CAMK1D: variants seen among roughly 807,000 people sequenced by gnomAD.
CAMK1D encodes the protein calcium/calmodulin-dependent protein kinase type 1D.
In CAMK1D, 9 loss-of-function variants were observed where a neutral mutation model predicts 47.7. The ratio of observed to expected loss-of-function variants is 0.19; its 90% CI spans 0.11 to 0.33. CAMK1D has a LOEUF of 0.33. Among genes scored for constraint, CAMK1D ranks in the 10% least tolerant of loss-of-function variants. The probability of loss-of-function intolerance (pLI) is 1.00; values close to 1 mark genes in which losing one functional copy is unlikely to be tolerated. For synonymous variants in CAMK1D, 184 were observed against 184.9 expected (o/e 0.99, Z 0.04); for missense variants, 291 against 488.7 (o/e 0.60, Z 3.81).
chr10:12,756,502 A>G (rs1384492938), intron 3 of CAMK1D, among the ~76,000 whole-genome samples: 2 of 152,240 alleles, frequency 1.3e-5, no homozygotes, highest in Admixed American at 1.3e-4. Flanking sequence ...AAGAAATGGG[A>G]TCATGTAAAA....
intron 2 of CAMK1D, among the ~76,000 whole-genome samples, chr10:12,599,287 T>C (rs899536861): frequency 6.6e-6 from 1 of 151,956 alleles, no homozygotes; most frequent in Non-Finnish European, 1.5e-5. Context: ...ATTTTGAGAG[T>C]GGAAGGGAGA....
At chr10:12,783,975 A>G (rs185504581) in intron 5 of CAMK1D, among the ~76,000 whole-genome samples, 14 of 152,084 alleles carry the variant, frequency 9.2e-5, no homozygotes, top group Admixed American at 8.5e-4. Flanking sequence ...CTCCTTGGAC[A>G]CTCTGGTGAG....
chr10:12,593,574 G>T (rs1274341260), intron 2 of CAMK1D, among the ~76,000 whole-genome samples: 1 of 152,166 alleles, frequency 6.6e-6, no homozygotes, highest in Non-Finnish European at 1.5e-5. Flanking sequence ...TGGGCAACAA[G>T]AGCGAAACTC....
At chr10:12,457,610 A>G (rs2768373) in intron 1 of CAMK1D, among the ~76,000 whole-genome samples, 111,430 of 151,244 alleles carry the variant, frequency 0.74, 41,265 homozygotes, top group East Asian at 0.97. Context: ...GTGAAACCTT[A>G]TCTCTACTAA....
chr10:12,707,065 T>A (rs1207438549), intron 3 of CAMK1D, among the ~76,000 whole-genome samples: 1 of 152,140 alleles, frequency 6.6e-6, no homozygotes, highest in Non-Finnish European at 1.5e-5. Flanking sequence ...ATAAAAGAGT[T>A]TTCCAGCTGG....
chr10:12,378,271 G>A (rs1838240203), intron 1 of CAMK1D, among the ~76,000 whole-genome samples: 1 of 152,138 alleles, frequency 6.6e-6, no homozygotes, highest in African/African-American at 2.4e-5. Flanking sequence ...TTTAGATACA[G>A]CGTCTCACTC....
chr10:12,756,076 C>G (rs530775360), intron 3 of CAMK1D, among the ~76,000 whole-genome samples: 1 of 152,260 alleles, frequency 6.6e-6, no homozygotes, highest in South Asian at 2.1e-4. Flanking sequence ...AGCATCATGG[C>G]TGGTATTTCT....
chr10:12,530,628 AG>A, intron 1 of CAMK1D, among the ~76,000 whole-genome samples: 1 of 152,208 alleles, frequency 6.6e-6, no homozygotes, highest in Non-Finnish European at 1.5e-5. Flanking sequence ...GATTCCAGGA[AG>A]GTCTTCCCGT....
At chr10:12,662,253 C>G (rs1840294477) in intron 2 of CAMK1D, among the ~76,000 whole-genome samples, 2 of 152,196 alleles carry the variant, frequency 1.3e-5, no homozygotes, top group Admixed American at 6.5e-5. Context: ...AATCAACATT[C>G]AGAACACTGC....
chr10:12,727,360 C>T (rs1231760320), intron 3 of CAMK1D, among the ~76,000 whole-genome samples: 3 of 152,192 alleles, frequency 2.0e-5, no homozygotes, highest in Non-Finnish European at 2.9e-5. Context: ...CTGGTCTGTG[C>T]TTATGTAACG....
chr10:12,590,239 A>T (rs1326594629), intron 2 of CAMK1D, among the ~76,000 whole-genome samples: 1 of 151,696 alleles, frequency 6.6e-6, no homozygotes, highest in African/African-American at 2.4e-5. Context: ...ATTTTTAGAG[A>T]TAGCATCTCA....
rs545649423 is a variant in CAMK1D at position 12,515,024 on chromosome 10, T to C, written c.93-38201T>C. Among the ~76,000 whole-genome samples, 3 of 151,108 alleles carry C rather than the reference T, an allele frequency of 2.0e-5. No individual in the cohort carries two copies. In the South Asian group the frequency reaches 6.3e-4, roughly 32 times the overall value. ...CACCACCACACCTGGCTAATTTTTT[T>C]TTTTTATTTTTTATTTTTAGTAGAG... On this transcript the variant is annotated intron_variant, in intron 1 of 10. Coordinates refer to ENST00000619168, the MANE Select transcript of CAMK1D (RefSeq NM_153498.4).
At chr10:12,612,759 T>A (rs1336659022) in intron 2 of CAMK1D, among the ~76,000 whole-genome samples, 1 of 152,172 alleles carries the variant, frequency 6.6e-6, no homozygotes, top group Non-Finnish European at 1.5e-5. Flanking sequence ...GCTGGAACCA[T>A]ATGTTTTTCA....
intron 1 of CAMK1D, among the ~76,000 whole-genome samples, chr10:12,495,024 G>T (rs574967226): frequency 6.6e-6 from 1 of 152,238 alleles, no homozygotes; most frequent in East Asian, 1.9e-4. Flanking sequence ...TCTTCTCATG[G>T]AAAACCTTCT....
At chr10:12,616,344 C>T (rs1239867664) in intron 2 of CAMK1D, among the ~76,000 whole-genome samples, 1 of 152,138 alleles carries the variant, frequency 6.6e-6, no homozygotes, top group Non-Finnish European at 1.5e-5. Context: ...ATAGGAGTAG[C>T]TAACATTTAT....
chr10:12,433,117 C>G (rs1832535872), intron 1 of CAMK1D, among the ~76,000 whole-genome samples: 1 of 152,182 alleles, frequency 6.6e-6, no homozygotes, highest in Admixed American at 6.5e-5. Context: ...ACACCAGGTG[C>G]TCGGTCAGGT....
chr10:12,827,015 TC>T (rs761089764), intron 10 of CAMK1D, among the ~76,000 whole-genome samples: 5 of 152,210 alleles, frequency 3.3e-5, no homozygotes, highest in Non-Finnish European at 5.9e-5. Context: ...CTGCACATCC[TC>T]TGGGGGAGGG....
chr10:12,424,317 C>T (rs1404116928), intron 1 of CAMK1D, among the ~76,000 whole-genome samples: 1 of 152,162 alleles, frequency 6.6e-6, no homozygotes, highest in African/African-American at 2.4e-5. Flanking sequence ...CCTCTTGTCA[C>T]CCAAGATGGA....
intron 3 of CAMK1D, among the ~76,000 whole-genome samples, chr10:12,753,460 A>G (rs1390696966): frequency 6.6e-6 from 1 of 152,212 alleles, no homozygotes; most frequent in Non-Finnish European, 1.5e-5. Flanking sequence ...TCTGAACCTC[A>G]TCTTACAAGT....
Sources: gnomAD v4.1 joint callset for allele counts (sites outside exome capture counted in the v4.1 genomes callset) on GRCh38, gnomAD v4.1.1 for gene constraint, MANE v1.5 for transcripts, NCBI Gene and HGNC (gene_info 2026-07-23, HGNC 2026-07-21) for gene names.